The following CYB5D2 variants were observed in gnomAD, a reference collection of about 807,000 sequenced individuals.
CYB5D2 encodes neuferricin.
In CYB5D2, 23 loss-of-function variants were observed where a neutral mutation model predicts 22.8. The ratio of observed to expected loss-of-function variants is 1.01; its 90% CI spans 0.73 to 1.43. CYB5D2 has a LOEUF of 1.43. Among genes scored for constraint, CYB5D2 ranks in the 40% most tolerant of loss-of-function variants. CYB5D2 has a pLI of 0.00. For synonymous variants in CYB5D2, 170 were observed against 152.2 expected (o/e 1.12, Z -0.86); for missense variants, 373 against 357.2 (o/e 1.04, Z -0.36).
intron 3 of CYB5D2, among the ~76,000 whole-genome samples, chr17:4,155,949 G>C (rs1467721332): frequency 1.3e-5 from 2 of 152,254 alleles, no homozygotes; most frequent in Admixed American, 1.3e-4. Context: ...CTGTTCACCT[G>C]TGTGTGTCCC....
Position 4,157,085 on chromosome 17 carries a change from C to T in CYB5D2, c.*3C>T, listed in dbSNP as rs78532699. On this transcript the variant is annotated 3_prime_UTR_variant, in exon 4 of 4. Coordinates refer to ENST00000301391, the MANE Select transcript of CYB5D2 (RefSeq NM_144611.4). This position sits in a 1 kb window ranked among gnomAD's most constrained non-coding sequence, Gnocchi z 4.4. ...TCACATGCTCCTTTCCACTCTAAGC[C>T]GTAGCCTCTTCTGTTAATAACACAC... is the stretch of plus-strand genomic sequence containing the variant. The T allele has an allele frequency of 9.2e-4, 1,487 of 1,612,146 alleles. 9 individuals are homozygous for T. The African/African-American group carries it at 0.018, about 19-fold the overall frequency.
chr17:4,143,641 G>A lies in CYB5D2; in HGVS notation c.-115G>A. 8 of 1,429,674 alleles carry A rather than the reference G, an allele frequency of 5.6e-6. No individual in the cohort carries two copies. In the South Asian group the frequency reaches 1.1e-4, roughly 20 times the overall value. The allele number at this position is 1,429,674 out of a possible 1,614,324, so 88.6% of individuals were successfully genotyped here. ...AGGGAGGGAGCGCGAGCACTAGCGC[G>A]CGAGAGAGAGAGCGAGAGCGCGCGC... On this transcript the variant is annotated 5_prime_UTR_variant, in exon 1 of 4. Transcript: ENST00000301391.
At chr17:4,145,748 T>C (rs1036785455) in intron 1 of CYB5D2, among the ~76,000 whole-genome samples, 1 of 152,212 alleles carries the variant, frequency 6.6e-6, no homozygotes, top group Non-Finnish European at 1.5e-5. Context: ...TTATTTCTCA[T>C]TGAGATGTAA....
intron 2 of CYB5D2, among the ~76,000 whole-genome samples, chr17:4,151,181 G>T (rs1412156192): frequency 1.3e-5 from 2 of 151,834 alleles, no homozygotes; most frequent in Non-Finnish European, 2.9e-5. Context: ...TAAAGTTTGT[G>T]TCCATCCATT....
chr17:4,144,971 A>C (rs2058969217), intron 1 of CYB5D2, among the ~76,000 whole-genome samples: 1 of 152,060 alleles, frequency 6.6e-6, no homozygotes, highest in African/African-American at 2.4e-5. Context: ...AATTTTTAGT[A>C]GAGACGGGGT....
intron 2 of CYB5D2, among the ~76,000 whole-genome samples, chr17:4,153,798 G>T (rs1178135322): frequency 2.6e-5 from 4 of 152,216 alleles, no homozygotes; most frequent in African/African-American, 7.2e-5. Context: ...GAGGAGTCAG[G>T]CTCCTAATGC....
chr17:4,157,118 T>C lies in CYB5D2; in HGVS notation c.*36T>C. 1 of 1,605,452 alleles carries C rather than the reference T, an allele frequency of 6.2e-7. No homozygotes were observed. The highest frequency in any genetic ancestry group is 8.5e-7 in the Non-Finnish European group (1 of 1,176,282). On this transcript the variant is annotated 3_prime_UTR_variant, in exon 4 of 4. Transcript: ENST00000301391. This position sits in a 1 kb window ranked among gnomAD's most constrained non-coding sequence, Gnocchi z 4.4. ...CTTCTGTTAATAACACACAGAGAGC[T>C]CTGCCAAGCACCTGAGTAGGCCCTT...
chr17:4,151,370 TAAAGA>T, intron 2 of CYB5D2, among the ~76,000 whole-genome samples: 1 of 152,172 alleles, frequency 6.6e-6, no homozygotes, highest in East Asian at 1.9e-4. Context: ...ACTGGGTTAA[TAAAGA>T]AAAGAAAACC....
chr17:4,150,109 G>GAT (rs2059039309), intron 2 of CYB5D2, 78 bp downstream of exon 2: 84 of 1,545,550 alleles, frequency 5.4e-5, no homozygotes, highest in Non-Finnish European at 6.9e-5. Context: ...TAGGGATTGG[G>GAT]TTCAAGCTTA....
intron 3 of CYB5D2, among the ~76,000 whole-genome samples, chr17:4,155,099 T>G (rs1224573404): frequency 1.3e-5 from 2 of 152,234 alleles, no homozygotes; most frequent in African/African-American, 4.8e-5. Flanking sequence ...ACTTGAGGCC[T>G]GGGCATCTTT....
Position 4,149,793 on chromosome 17 carries a change from C to T in CYB5D2, c.251-98C>T, listed in dbSNP as rs1057227387. 2.0e-5 allele frequency: 29 copies of T among 1,463,718 alleles called. No individual in the cohort carries two copies. In the African/African-American group the frequency reaches 2.6e-4, roughly 13 times the overall value. 90.7% of individuals were successfully genotyped at this position (1,463,718 alleles called of 1,614,324 possible). ...CAGCCTGGGCAACAGAGTGCGACTCCGTCTCAAAAAAAAAAGAAAAAGAAA... is the reference window on the plus strand; with the variant it reads ...CAGCCTGGGCAACAGAGTGCGACTCTGTCTCAAAAAAAAAAGAAAAAGAAA... On this transcript the variant is annotated intron_variant, in intron 1 of 3. Transcript: ENST00000301391.
At chr17:4,144,685 T>G (rs1268465105) in intron 1 of CYB5D2, among the ~76,000 whole-genome samples, 1 of 152,170 alleles carries the variant, frequency 6.6e-6, no homozygotes, top group Non-Finnish European at 1.5e-5. Flanking sequence ...CAAATTAAGT[T>G]TATGCTGGTG....
chr17:4,149,927 G>A lies in CYB5D2; in HGVS notation c.287G>A (p.Cys96Tyr). ...TCCAGAGCTTTCGTGACCGGGGACT[G>A]TTCTGAAGCAGGCCTCGTGGATGAC... Reference protein sequence around the residue: ...DASRAFVTGDCSEAGLVDDVS... With the variant: ...DASRAFVTGDYSEAGLVDDVS... The change falls in exon 2 of 4, where the codon TGT becomes TAT. Residue 96 changes from cysteine (C) to tyrosine (Y), a missense_variant. Physicochemically the swap from Cys to Tyr is radical, Grantham distance 194. Coordinates refer to ENST00000301391, the MANE Select transcript of CYB5D2 (RefSeq NM_144611.4). 2.5e-6 allele frequency: 4 copies of A among 1,614,238 alleles called. No individual in the cohort carries two copies. Among genetic ancestry groups the A allele is most frequent in the South Asian group, 1.1e-5 (1 of 91,084 alleles).
At chr17:4,149,168 T>A (rs2059026275) in intron 1 of CYB5D2, among the ~76,000 whole-genome samples, 1 of 152,144 alleles carries the variant, frequency 6.6e-6, no homozygotes, top group African/African-American at 2.4e-5. Flanking sequence ...GATATACAGG[T>A]GTGAGCCTTG....
chr17:4,151,468 A>C (rs1029371231), intron 2 of CYB5D2, among the ~76,000 whole-genome samples: 15 of 151,938 alleles, frequency 9.9e-5, no homozygotes, highest in African/African-American at 3.4e-4. Context: ...GCGGATCACC[A>C]CCTGAGGTCA....
At chr17:4,153,726 G>A (rs74665410) in intron 2 of CYB5D2, among the ~76,000 whole-genome samples, 34 of 152,282 alleles carry the variant, frequency 2.2e-4, no homozygotes, top group Non-Finnish European at 4.1e-4. Flanking sequence ...TAGGACTGAC[G>A]AGGTTTTCTG....
chr17:4,149,440 C>T (rs540423238), intron 1 of CYB5D2, among the ~76,000 whole-genome samples: 85 of 152,354 alleles, frequency 5.6e-4, no homozygotes, highest in Non-Finnish European at 1.0e-3. Context: ...GAGCATCTTT[C>T]ACAGAGGAGG....
chr17:4,143,565 A>C lies in CYB5D2; in HGVS notation c.-191A>C. 2 of 713,804 alleles carry C rather than the reference A, an allele frequency of 2.8e-6. No individual in the cohort carries two copies. Among genetic ancestry groups the C allele is most frequent in the Non-Finnish European group, 4.3e-6 (2 of 463,120 alleles). 44.2% of individuals were successfully genotyped at this position (713,804 alleles called of 1,614,324 possible). A position where few individuals can be genotyped will look rare whatever the true frequency, so the allele number is the denominator to read the frequency against. Reference sequence around the variant, plus strand: ...AAAAAGTACCTGGAAAAAGTCGCAGACAGCGAGCTTTTCGCCAGTGCCAGG... The same window carrying C: ...AAAAAGTACCTGGAAAAAGTCGCAGCCAGCGAGCTTTTCGCCAGTGCCAGG... On this transcript the variant is annotated 5_prime_UTR_variant, in exon 1 of 4. Transcript: ENST00000301391.
At position 4,157,308 on chromosome 17, in the gene CYB5D2, A is replaced by C. The variant is rs190648638; in HGVS notation, c.*226A>C. 1.5e-4 allele frequency: 86 copies of C among 583,208 alleles called. No individual in the cohort carries two copies. Among genetic ancestry groups the C allele is most frequent in the African/African-American group, 1.4e-3 (77 of 53,650 alleles). The allele number at this position is 583,208 out of a possible 1,614,324, so 36.1% of individuals were successfully genotyped here. On this transcript the variant is annotated 3_prime_UTR_variant, in exon 4 of 4. Coordinates refer to ENST00000301391, the MANE Select transcript of CYB5D2 (RefSeq NM_144611.4). This position sits in a 1 kb window ranked among gnomAD's most constrained non-coding sequence, Gnocchi z 4.4. Reference sequence around the variant, plus strand: ...CAGTACTGGTCAGCTTTTCAACACTATTCCCTTTGACCTACTGGCCATCTT... The same window carrying C: ...CAGTACTGGTCAGCTTTTCAACACTCTTCCCTTTGACCTACTGGCCATCTT...
Sources: allele counts gnomAD v4.1 joint callset (sites outside exome capture counted in the v4.1 genomes callset), GRCh38; gene constraint gnomAD v4.1.1; non-coding constraint Gnocchi (gnomAD v3.1); transcripts MANE v1.5; gene names NCBI Gene and HGNC (gene_info 2026-07-23, HGNC 2026-07-21).